The following NASP variants were observed in gnomAD, a reference collection of about 807,000 sequenced individuals.
NASP encodes the protein NASP histone chaperone.
Under a neutral mutation model 89.5 loss-of-function variants are expected in NASP, and 24 were observed. The observed-to-expected ratio is 0.27, with a 90% CI of 0.19 to 0.38. The LOEUF is 0.38. Ranked by LOEUF, NASP falls within the 10% of genes least tolerant of loss-of-function variation. The pLI is 1.00. For synonymous variants in NASP, 306 were observed against 324.7 expected (o/e 0.94, Z 0.62); for missense variants, 848 against 921.4 (o/e 0.92, Z 1.03).
intron 7 of NASP, 58 bp downstream of exon 7, chr1:45,613,306 A>G: frequency 6.5e-7 from 1 of 1,548,106 alleles, no homozygotes; most frequent in Non-Finnish European, 8.7e-7. Flanking sequence ...GGGAGACTGG[A>G]GCTCACTCTT....
chr1:45,589,873 C>A (rs1325537363), intron 1 of NASP, among the ~76,000 whole-genome samples: 1 of 152,106 alleles, frequency 6.6e-6, no homozygotes, highest in Non-Finnish European at 1.5e-5. Flanking sequence ...TGCACTCCAG[C>A]CTGGGCAACA....
chr1:45,617,689 T>C, intron 14 of NASP, 98 bp downstream of exon 14: 1 of 1,369,160 alleles, frequency 7.3e-7, no homozygotes, highest in South Asian at 1.5e-5. Flanking sequence ...ACCTTGAGCC[T>C]GCTAACGATT....
chr1:45,607,163 C>A, intron 5 of NASP, 158 bp from the exon 6 acceptor site: 1 of 722,554 alleles, frequency 1.4e-6, no homozygotes. Context: ...CGGGATGCTC[C>A]CTTTCCTTTT....
chr1:45,600,349 TTCC>T (rs1281569062), intron 2 of NASP: 1 of 1,250,016 alleles, frequency 8.0e-7, no homozygotes, highest in East Asian at 6.0e-5. Context: ...TCAAAGTTTT[TTCC>T]TCATGTGCCT....
chr1:45,584,251 G>C (rs377682344), intron 1 of NASP, 46 bp downstream of exon 1: 17 of 1,523,092 alleles, frequency 1.1e-5, no homozygotes, highest in Admixed American at 2.0e-5. Context: ...AGTCCGCGGG[G>C]AGGGCTAATG....
rs775995336 is a variant in NASP, at chr1:45,615,341, C to T, written c.1892C>T (p.Ser631Leu). The change falls in exon 11 of 15, where the codon TCG becomes TTG. Residue 631 changes from serine to leucine, a missense_variant. By Grantham distance (145) the Ser-to-Leu change is moderately radical. Transcript: ENST00000350030. ...LNEQVKEAEG[S>L]SAEYKKEIEE... ...GAGCAGGTGAAGGAGGCTGAAGGAT[C>T]GTCTGCTGAATACAAGAAAGAAATT... 15 of 1,614,006 alleles carry T rather than the reference C, an allele frequency of 9.3e-6. No homozygotes were observed. Among genetic ancestry groups the T allele is most frequent in the South Asian group, 6.6e-5 (6 of 91,068 alleles).
Position 45,608,184 on chromosome 1 carries a change from A to G in NASP, c.1273A>G (p.Thr425Ala). The part of the protein sequence containing the change: ...RAKLVPSQEE[T>A]KLSVEESEAA... ...AAAGCTGGTTCCTAGTCAGGAGGAG[A>G]CTAAGCTGTCTGTAGAAGAGTCTGA... The change falls in exon 6 of 15, where the codon ACT (threonine) becomes GCT (alanine). Residue 425 changes from threonine (T) to alanine (A), a missense_variant. By Grantham distance (58) the Thr-to-Ala change is moderately conservative. Around this residue, in one of 5 missense-constraint regions of NASP, gnomAD observed 464 missense variants for 469.4 expected, o/e 0.99. Transcript: ENST00000350030. 1.9e-6 allele frequency: 3 copies of G among 1,614,066 alleles called. No homozygotes were observed. The highest frequency in any genetic ancestry group is 2.5e-6 in the Non-Finnish European group (3 of 1,180,016).
intron 2 of NASP, among the ~76,000 whole-genome samples, chr1:45,597,966 A>G (rs1425583897): frequency 6.6e-6 from 1 of 152,172 alleles, no homozygotes; most frequent in Non-Finnish European, 1.5e-5. Context: ...TTGACAGGAA[A>G]ATGTGAAAGG....
In NASP at chr1:45,607,702, G is replaced by C. The variant is rs750386197; in HGVS notation, c.791G>C (p.Gly264Ala). Reference sequence around the variant, plus strand: ...GAAAAAGGAGGTCAGGAGAAGCAGGGAGAGGTAATTGTGAGCATAGAGGAG... The same window carrying C: ...GAAAAAGGAGGTCAGGAGAAGCAGGCAGAGGTAATTGTGAGCATAGAGGAG... ...CREKGGQEKQ[G>A]EVIVSIEEKP... is the part of the protein sequence containing the mutation. Residue 264 changes from glycine (G) to alanine (A), a missense_variant, in exon 6 of 15, where the codon GGA (glycine) becomes GCA (alanine). Gly to Ala is a moderately conservative substitution (Grantham distance 60). Transcript: ENST00000350030. 1 of 1,614,196 alleles carries C rather than the reference G, an allele frequency of 6.2e-7. No individual in the cohort carries two copies. Among genetic ancestry groups the C allele is most frequent in the South Asian group, 1.1e-5 (1 of 91,088 alleles).
Position 45,599,951 on chromosome 1 carries a change from G to GTTTTTTTTTTTTTTT in NASP, c.108-2303_108-2302insTTTTTTTTTTTTTTT, listed in dbSNP as rs1375366938. 1.7e-4 allele frequency among the ~76,000 whole-genome samples: 17 copies of GTTTTTTTTTTTTTTT among 101,934 alleles called. 1 individual carries two copies. Among genetic ancestry groups the GTTTTTTTTTTTTTTT allele is most frequent in the African/African-American group, 7.3e-4 (17 of 23,178 alleles). The allele number at this position is 101,934 out of a possible 152,430, so 66.9% of individuals were successfully genotyped here. A position where few individuals can be genotyped will look rare whatever the true frequency, so the allele number is the denominator to read the frequency against. ...CTCTGTCCTAGAGTGCTTTTCCTCT[G>GTTTTTTTTTTTTTTT]TATTTTTTTTTTTTTTTTTTTTTTG... is the stretch of plus-strand genomic sequence containing the variant. On this transcript the variant is annotated intron_variant, in intron 2 of 14. Coordinates refer to ENST00000350030, the MANE Select transcript of NASP (RefSeq NM_002482.4).
rs368955502 is a variant in NASP at position 45,607,532 on chromosome 1, T to C, written c.621T>C (p.Thr207=). 31 of 1,613,908 alleles carry C rather than the reference T, an allele frequency of 1.9e-5. No homozygotes were observed. Among genetic ancestry groups the C allele is most frequent in the Admixed American group, 1.2e-4 (7 of 59,998 alleles). The part of the protein sequence containing the change: ...EKVDLTLDWL[T]ETSEEAKGGA... ...TTGACTTGACTCTAGATTGGTTAAC[T>C]GAAACCTCTGAAGAGGCAAAAGGAG... The change falls in exon 6 of 15, where the codon ACT becomes ACC. Residue 207 remains threonine (T), a synonymous_variant. Transcript: ENST00000350030.
intron 4 of NASP, 101 bp from the exon 5 acceptor site, chr1:45,606,381 T>C (rs1024220826): frequency 1.2e-5 from 9 of 759,172 alleles, no homozygotes; most frequent in Non-Finnish European, 2.0e-5. Flanking sequence ...GCGCTTGGCT[T>C]ACACTTCTTG....
rs747034110 is a variant in NASP at position 45,608,138 on chromosome 1, A to T, written c.1227A>T (p.Gly409=). The change falls in exon 6 of 15, where the codon GGA becomes GGT. Residue 409 remains glycine (G), a synonymous_variant. Coordinates refer to ENST00000350030, the MANE Select transcript of NASP (RefSeq NM_002482.4). ...TGACAGAAACAAAAGATGGCTCAGG[A>T]CTAGAGGAGAAGGTCAGGGCAAAGC... ...ERLTETKDGS[G]LEEKVRAKLV... is the part of the protein sequence containing the mutation. 1 of 1,614,124 alleles carries T rather than the reference A, an allele frequency of 6.2e-7. No individual in the cohort carries two copies. The highest frequency in any genetic ancestry group is 1.3e-5 in the African/African-American group (1 of 75,040).
intron 11 of NASP, 196 bp downstream of exon 11, chr1:45,615,667 C>A (rs191678008): frequency 1.8e-5 from 10 of 554,618 alleles, no homozygotes; most frequent in Admixed American, 1.1e-4. Context: ...TCCATACTTA[C>A]GTGTGGCCAT....
At chr1:45,611,973 G>A (rs1644021969) in intron 6 of NASP, 1 of 145,936 alleles carries the variant, frequency 6.9e-6, no homozygotes, top group Admixed American at 7.1e-5. Flanking sequence ...CCATGCTCCT[G>A]CCTCAGCCTC....
At chr1:45,587,942 C>T (rs573152400) in intron 1 of NASP, among the ~76,000 whole-genome samples, 5 of 150,324 alleles carry the variant, frequency 3.3e-5, no homozygotes, top group Non-Finnish European at 7.4e-5. Flanking sequence ...AGCAAGACTC[C>T]ATCTCAAAAA....
chr1:45,612,506 A>G (rs890791259), intron 6 of NASP: 5 of 152,216 alleles, frequency 3.3e-5, no homozygotes, highest in East Asian at 1.9e-4. Flanking sequence ...AGTGTATTCA[A>G]TATGGTGAAA....
Position 45,602,261 on chromosome 1 carries a change from T to C in NASP, c.114T>C (p.Asp38=). 6.2e-7 allele frequency: 1 copy of C among 1,613,074 alleles called. No homozygotes were observed. The highest frequency in any genetic ancestry group is 8.5e-7 in the Non-Finnish European group (1 of 1,179,376). The change falls in exon 3 of 15, where the codon GAT becomes GAC. Residue 38 remains aspartate, a synonymous_variant. Coordinates refer to ENST00000350030, the MANE Select transcript of NASP (RefSeq NM_002482.4). ...STSADKVESL[D]VDSEAKKLLG... ...AAAAATCTTTTTTTTGCAGTCTGGATGTGGATAGTGAAGCTAAGAAACTAT... is the reference window on the plus strand; with the variant it reads ...AAAAATCTTTTTTTTGCAGTCTGGACGTGGATAGTGAAGCTAAGAAACTAT...
Position 45,595,129 on chromosome 1 carries a change from T to TGTGTGTGTG in NASP, c.107+3859_107+3860insGTGTGTGTG, listed in dbSNP as rs1643658891. The stretch of plus-strand genomic sequence containing the variant: ...CTGCCTCAGCCTGCCAGACTAAGTT[T>TGTGTGTGTG]TGTGTGTGTGTGTGTGTGTGTGTGT... On this transcript the variant is annotated intron_variant, in intron 2 of 14. Coordinates refer to ENST00000350030, the MANE Select transcript of NASP (RefSeq NM_002482.4). 2.8e-4 allele frequency among the ~76,000 whole-genome samples: 31 copies of TGTGTGTGTG among 111,868 alleles called. 1 individual carries two copies. The highest frequency in any genetic ancestry group is 2.2e-3 in the East Asian group (8 of 3,670). 73.4% of individuals were successfully genotyped at this position (111,868 alleles called of 152,430 possible). A position where few individuals can be genotyped will look rare whatever the true frequency, so the allele number is the denominator to read the frequency against.
Sources: allele counts gnomAD v4.1 joint callset (sites outside exome capture counted in the v4.1 genomes callset), GRCh38; gene constraint gnomAD v4.1.1; regional missense constraint gnomAD v4.1.1; transcripts MANE v1.5; gene names NCBI Gene and HGNC (gene_info 2026-07-23, HGNC 2026-07-21).